The following PCDH15 variants were observed in gnomAD, a reference collection of about 807,000 sequenced individuals.
PCDH15 encodes protocadherin-15.
In PCDH15, 129 loss-of-function variants were observed where a neutral mutation model predicts 178.5. The observed-to-expected ratio is 0.72, with a 90% CI of 0.63 to 0.84. The LOEUF (loss-of-function observed/expected upper bound fraction) is 0.84, where lower values mean the gene tolerates loss of function less well. PCDH15 is among the 40% of genes least tolerant of loss of function. The pLI is 0.00. For missense variants in PCDH15, 2,230 were observed against 2,099.9 expected (o/e 1.06, Z -1.21); for synonymous variants, 800 against 732.0 (o/e 1.09, Z -1.50).
chr10:54,814,261 T>C (rs1424758739), intron 3 of PCDH15, among the ~76,000 whole-genome samples: 2 of 152,188 alleles, frequency 1.3e-5, no homozygotes, highest in African/African-American at 4.8e-5. Context: ...CCTTGCACTA[T>C]ATTCCAGAAT....
intron 2 of PCDH15, among the ~76,000 whole-genome samples, chr10:54,928,413 G>A (rs930763253): frequency 6.6e-6 from 1 of 152,004 alleles, no homozygotes; most frequent in East Asian, 1.9e-4. Flanking sequence ...ATAATTATGT[G>A]TCCTGAAAAT....
At chr10:54,462,355 A>C (rs1331288713) in intron 3 of PCDH15, among the ~76,000 whole-genome samples, 2 of 151,914 alleles carry the variant, frequency 1.3e-5, no homozygotes, top group African/African-American at 2.4e-5. Context: ...CTGCACAAAA[A>C]TTTATATTTG....
chr10:54,038,156 A>C (rs2093462105), intron 18 of PCDH15, among the ~76,000 whole-genome samples: 1 of 151,982 alleles, frequency 6.6e-6, no homozygotes, highest in Non-Finnish European at 1.5e-5. Context: ...ATCCCAATGA[A>C]CTAATTCTTC....
intron 2 of PCDH15, among the ~76,000 whole-genome samples, chr10:55,459,333 C>G (rs1839622128): frequency 6.6e-6 from 1 of 151,512 alleles, no homozygotes; most frequent in Non-Finnish European, 1.5e-5. Context: ...ATTTTTGAAT[C>G]CTTAGCTAAA....
rs761683339 is a variant in PCDH15 at position 54,183,434 on chromosome 10, G to A, written c.1590+10C>T. On this transcript the variant is annotated intron_variant, in intron 13 of 37. Coordinates refer to ENST00000644397, the MANE Select transcript of PCDH15 (RefSeq NM_001384140.1). ...CTTTGAGTGTACACTTATATTATGT[G>A]AGTAGTTACCTGTATGACACTGTCC... 13 of 1,602,194 alleles carry A rather than the reference G, an allele frequency of 8.1e-6. No homozygotes were observed. The highest frequency in any genetic ancestry group is 5.5e-5 in the South Asian group (5 of 90,822).
At chr10:54,479,663 C>G (rs1475528770) in intron 3 of PCDH15, among the ~76,000 whole-genome samples, 1 of 151,926 alleles carries the variant, frequency 6.6e-6, no homozygotes, top group Admixed American at 6.6e-5. Flanking sequence ...TGCCCTCCCG[C>G]TACTTATGCT....
chr10:55,352,742 A>G (rs1279932203), intron 2 of PCDH15, among the ~76,000 whole-genome samples: 1 of 152,126 alleles, frequency 6.6e-6, no homozygotes, highest in African/African-American at 2.4e-5. Flanking sequence ...GTGTACCAAA[A>G]AGTGGATTTT....
At chr10:54,731,339 A>G (rs1453794768) in intron 1 of PCDH15, among the ~76,000 whole-genome samples, 1 of 150,724 alleles carries the variant, frequency 6.6e-6, no homozygotes, top group African/African-American at 2.4e-5. Flanking sequence ...TGCAACCACT[A>G]TGAAAAAAAG....
At chr10:55,280,125 T>G (rs919495504) in intron 1 of PCDH15, among the ~76,000 whole-genome samples, 1 of 152,110 alleles carries the variant, frequency 6.6e-6, no homozygotes, top group Non-Finnish European at 1.5e-5. Flanking sequence ...GCAGCCCATT[T>G]GGCAAATTGA....
At chr10:55,316,261 C>CT (rs1239944831) in intron 1 of PCDH15, among the ~76,000 whole-genome samples, 15 of 152,036 alleles carry the variant, frequency 9.9e-5, no homozygotes, top group Non-Finnish European at 8.8e-5. Context: ...CAGTGATTAC[C>CT]TGTCAGGGAA....
At chr10:54,787,541 A>G (rs1379749804) in intron 1 of PCDH15, among the ~76,000 whole-genome samples, 1 of 151,976 alleles carries the variant, frequency 6.6e-6, no homozygotes, top group Non-Finnish European at 1.5e-5. Flanking sequence ...CTGCAAGGCA[A>G]GTTACACTAC....
chr10:55,168,723 G>A (rs1409569503), intron 1 of PCDH15, among the ~76,000 whole-genome samples: 1 of 151,948 alleles, frequency 6.6e-6, no homozygotes, highest in African/African-American at 2.4e-5. Flanking sequence ...TCAGGTCAGG[G>A]GATAAAAGAT....
At chr10:54,150,373 A>G (rs2044403264) in intron 14 of PCDH15, among the ~76,000 whole-genome samples, 1 of 152,004 alleles carries the variant, frequency 6.6e-6, no homozygotes, top group Non-Finnish European at 1.5e-5. Flanking sequence ...CAAGTTTCCT[A>G]CACCTGGTGT....
chr10:54,003,365 A>C (rs1263692843), intron 20 of PCDH15, among the ~76,000 whole-genome samples: 1 of 152,124 alleles, frequency 6.6e-6, no homozygotes, highest in Non-Finnish European at 1.5e-5. Context: ...ACCTTTAGCC[A>C]GACTAACTAA....
At chr10:55,554,804 T>C (rs1842060993) in intron 2 of PCDH15, among the ~76,000 whole-genome samples, 1 of 152,120 alleles carries the variant, frequency 6.6e-6, no homozygotes, top group Admixed American at 6.6e-5. Flanking sequence ...TTTTATGTTC[T>C]AGTATTTCAT....
At chr10:54,694,186 G>A (rs781719126) in intron 1 of PCDH15, among the ~76,000 whole-genome samples, 8 of 152,112 alleles carry the variant, frequency 5.3e-5, no homozygotes, top group Non-Finnish European at 1.2e-4. Flanking sequence ...ACTAAAGAAT[G>A]AAATGAATAG....
intron 1 of PCDH15, among the ~76,000 whole-genome samples, chr10:55,316,462 T>C (rs1226543208): frequency 6.6e-6 from 1 of 152,180 alleles, no homozygotes; most frequent in Non-Finnish European, 1.5e-5. Context: ...AAAAAGTATA[T>C]TGAATTTTAA....
chr10:55,554,984 G>C (rs568435543), intron 2 of PCDH15, among the ~76,000 whole-genome samples: 3 of 151,976 alleles, frequency 2.0e-5, no homozygotes, highest in Non-Finnish European at 4.4e-5. Flanking sequence ...ATGGGTTTGG[G>C]AAAGTCTAGA....
intron 5 of PCDH15, among the ~76,000 whole-genome samples, chr10:54,359,083 C>G (rs1373263113): frequency 6.6e-6 from 1 of 151,352 alleles, no homozygotes; most frequent in African/African-American, 2.4e-5. Flanking sequence ...ATGGGTGCAG[C>G]ACACCAGCAT....
Sources: gnomAD v4.1 joint callset for allele counts (sites outside exome capture counted in the v4.1 genomes callset) on GRCh38, gnomAD v4.1.1 for gene constraint, MANE v1.5 for transcripts, NCBI Gene and HGNC (gene_info 2026-07-23, HGNC 2026-07-21) for gene names.